ST8SIA5: variants seen among roughly 807,000 people sequenced by gnomAD.
The protein encoded by ST8SIA5 is alpha-2,8-sialyltransferase 8E.
In ST8SIA5, 24 loss-of-function variants were observed where a neutral mutation model predicts 40.2. That is an observed-to-expected ratio of 0.60 (90% CI 0.43 to 0.84). The LOEUF is 0.84. ST8SIA5 is among the 40% of genes least tolerant of loss of function. The probability of loss-of-function intolerance (pLI) is 0.00; values close to 1 mark genes in which losing one functional copy is unlikely to be tolerated. For synonymous variants in ST8SIA5, 198 were observed against 201.8 expected, an observed-to-expected ratio of 0.98 and a Z score of 0.16; for missense variants, 465 against 498.5, an observed-to-expected ratio of 0.93 and a Z score of 0.64.
intron 2 of ST8SIA5, among the ~76,000 whole-genome samples, chr18:46,702,071 C>T (rs141907675): frequency 0.026 from 3,901 of 147,832 alleles, 75 homozygotes; most frequent in Non-Finnish European, 0.04. Flanking sequence ...TGCTTGAACC[C>T]GGGCGACAGA....
intron 1 of ST8SIA5, among the ~76,000 whole-genome samples, chr18:46,712,355 G>A (rs759056755): frequency 2.9e-4 from 44 of 152,062 alleles, no homozygotes; most frequent in Non-Finnish European, 5.1e-4. Context: ...TTCATCTTCC[G>A]CCAACTCTCA....
intron 6 of ST8SIA5, 111 bp from the exon 7 acceptor site, chr18:46,680,621 G>GGCCACCT: frequency 8.9e-7 from 1 of 1,127,368 alleles, no homozygotes; most frequent in Non-Finnish European, 1.2e-6. Context: ...GGACTCATAA[G>GGCCACCT]GCCACCTGCC....
At chr18:46,689,086 A>G (rs2039477417) in intron 3 of ST8SIA5, 167 bp from the exon 4 acceptor site, 1 of 712,792 alleles carries the variant, frequency 1.4e-6, no homozygotes, top group African/African-American at 1.8e-5. Flanking sequence ...CTGCCCACCC[A>G]TCCCACACAC....
At position 46,680,450 on chromosome 18, in the gene ST8SIA5, G is replaced by A. The variant is rs745602726; in HGVS notation, c.723C>T (p.Asn241=). ...PFYRVLQVYE[N]ASVLLPAFYN... is the part of the protein sequence containing the mutation. Reference sequence around the variant, plus strand: ...AGAAGGCAGGCAGCAGCACCGACGCGTTCTCGTACACCTGCAGCACGCGAT... The same window carrying A: ...AGAAGGCAGGCAGCAGCACCGACGCATTCTCGTACACCTGCAGCACGCGAT... Residue 241 remains asparagine, a synonymous_variant, in exon 7 of 7, where the codon AAC becomes AAT. Coordinates refer to ENST00000315087, the MANE Select transcript of ST8SIA5 (RefSeq NM_013305.6). 1.4e-5 allele frequency: 23 copies of A among 1,609,556 alleles called. No individual in the cohort carries two copies. In the East Asian group the frequency reaches 4.0e-4, roughly 28 times the overall value.
chr18:46,709,814 T>A (rs2039704617), intron 1 of ST8SIA5, among the ~76,000 whole-genome samples: 1 of 152,178 alleles, frequency 6.6e-6, no homozygotes, highest in South Asian at 2.1e-4. Flanking sequence ...TTTAAATACT[T>A]TTCTGTGTTT....
At chr18:46,718,116 G>A (rs902405666) in intron 1 of ST8SIA5, among the ~76,000 whole-genome samples, 18 of 152,224 alleles carry the variant, frequency 1.2e-4, no homozygotes, top group African/African-American at 4.3e-4. Context: ...ATCACTTGAG[G>A]TCAGGAGTTC....
intron 2 of ST8SIA5, among the ~76,000 whole-genome samples, chr18:46,702,146 CAA>C (rs5824635): frequency 4.1e-5 from 5 of 120,710 alleles, no homozygotes; most frequent in Admixed American, 8.6e-5. Context: ...GACTCCATCT[CAA>C]AAAAAAAAAA....
At chr18:46,721,290 A>G (rs752365975) in intron 1 of ST8SIA5, 2 of 1,360,680 alleles carry the variant, frequency 1.5e-6, no homozygotes, top group African/African-American at 1.4e-5. Flanking sequence ...GAAGTGGACA[A>G]TGTGGCAGGG....
At position 46,704,615 on chromosome 18, in the gene ST8SIA5, G is replaced by A. The variant is rs200501694; in HGVS notation, c.181C>T (p.Leu61=). 1 of 1,613,942 alleles carries A rather than the reference G, an allele frequency of 6.2e-7. No individual in the cohort carries two copies. Among genetic ancestry groups the A allele is most frequent in the African/African-American group, 1.3e-5 (1 of 74,922 alleles). The change falls in exon 2 of 7, where the codon CTG becomes TTG. Residue 61 remains leucine, a synonymous_variant. Transcript: ENST00000315087. ...TCCAATATTTCGTGCCTCAGCTCCAGGCATCTTGTGGAGTTATATTCAAAA... is the reference window on the plus strand; with the variant it reads ...TCCAATATTTCGTGCCTCAGCTCCAAGCATCTTGTGGAGTTATATTCAAAA... ...GPFEYNSTRC[L]ELRHEILEVK...
rs1380392470 is a variant in ST8SIA5 at position 46,679,114 on chromosome 18, A to C, written c.*928T>G. On this transcript the variant is annotated 3_prime_UTR_variant, in exon 7 of 7. Transcript: ENST00000315087. The stretch of plus-strand genomic sequence containing the variant: ...GATACAGCAGGATTCTGCAGGATTC[A>C]GAGACATGAGAGGAAGAGGTCTTTA... The C allele has an allele frequency of 6.6e-6, 1 of 152,274 alleles. No individual in the cohort carries two copies. The highest frequency in any genetic ancestry group is 1.5e-5 in the Non-Finnish European group (1 of 68,062). The allele number at this position is 152,274 out of a possible 1,614,324, so 9.4% of individuals were successfully genotyped here.
intron 1 of ST8SIA5, among the ~76,000 whole-genome samples, chr18:46,742,106 TA>T (rs1254637820): frequency 6.7e-6 from 1 of 149,944 alleles, no homozygotes; most frequent in African/African-American, 2.4e-5. Flanking sequence ...ATGTAAAAAA[TA>T]AATAAATAAA....
intron 1 of ST8SIA5, chr18:46,721,408 C>T (rs1251108329): frequency 3.3e-6 from 5 of 1,535,996 alleles, no homozygotes; most frequent in African/African-American, 1.4e-5. Context: ...TCATCCGTGA[C>T]ATTAAAGAGC....
intron 1 of ST8SIA5, among the ~76,000 whole-genome samples, chr18:46,750,939 AT>A (rs952665324): frequency 1.3e-5 from 2 of 152,168 alleles, no homozygotes; most frequent in African/African-American, 4.8e-5. Flanking sequence ...TTGCTCTCAG[AT>A]TTTTTTAATA....
At chr18:46,683,765 A>G (rs2039420335) in intron 5 of ST8SIA5, among the ~76,000 whole-genome samples, 1 of 150,542 alleles carries the variant, frequency 6.6e-6, no homozygotes, top group Admixed American at 6.6e-5. Context: ...GGGTGTGTGC[A>G]GTCAATTACC....
intron 1 of ST8SIA5, among the ~76,000 whole-genome samples, chr18:46,712,070 A>C (rs1415779937): frequency 6.6e-6 from 1 of 152,094 alleles, no homozygotes; most frequent in African/African-American, 2.4e-5. Flanking sequence ...GTCTAGCTTC[A>C]TTCCTCCTTC....
At position 46,756,567 on chromosome 18, in the gene ST8SIA5, G is replaced by A. The variant is rs935507486; in HGVS notation, c.-59C>T. ...GGGCGGCCAGGCAATGACTCGCGGG[G>A]TTCCGGGGCCCCGGGGGGCGCGCGG... On this transcript the variant is annotated 5_prime_UTR_variant, in exon 1 of 7. Transcript: ENST00000315087. 1.1e-5 allele frequency: 18 copies of A among 1,578,166 alleles called. No homozygotes were observed. The highest frequency in any genetic ancestry group is 1.5e-5 in the Non-Finnish European group (18 of 1,162,664).
chr18:46,728,282 C>T (rs2039951783), intron 1 of ST8SIA5, among the ~76,000 whole-genome samples: 1 of 151,910 alleles, frequency 6.6e-6, no homozygotes, highest in Non-Finnish European at 1.5e-5. Context: ...GATTGAAGTG[C>T]CAAAGTTACA....
intron 5 of ST8SIA5, among the ~76,000 whole-genome samples, chr18:46,682,442 G>A (rs1432408558): frequency 6.6e-6 from 1 of 152,198 alleles, no homozygotes. Flanking sequence ...TTGAGCAGAG[G>A]TCTGAAGGAG....
At chr18:46,701,096 G>GACC in intron 2 of ST8SIA5, among the ~76,000 whole-genome samples, 1 of 144,482 alleles carries the variant, frequency 6.9e-6, no homozygotes, top group African/African-American at 2.5e-5. Context: ...TAACCCCCAG[G>GACC]ACCATATAAT....
Sources: allele counts gnomAD v4.1 joint callset (sites outside exome capture counted in the v4.1 genomes callset), GRCh38; gene constraint gnomAD v4.1.1; transcripts MANE v1.5; gene names NCBI Gene and HGNC (gene_info 2026-07-23, HGNC 2026-07-21).